MAF: variants seen among roughly 807,000 people sequenced by gnomAD.
MAF encodes the protein MAF bZIP transcription factor.
In MAF, 10 loss-of-function variants were observed where a neutral mutation model predicts 22.0. The ratio of observed to expected loss-of-function variants is 0.45; its 90% CI spans 0.28 to 0.77. The LOEUF (loss-of-function observed/expected upper bound fraction) is 0.77. MAF is among the 30% of genes least tolerant of loss of function. The pLI is 0.12. For missense variants in MAF, 544 were observed against 548.4 expected (o/e 0.99, Z 0.08); for synonymous variants, 337 against 255.8 (o/e 1.32, Z -3.03).
chr16:79,588,469 G>A (rs1465374318), intron 1 of MAF, among the ~76,000 whole-genome samples: 1 of 151,740 alleles, frequency 6.6e-6, no homozygotes, highest in Non-Finnish European at 1.5e-5. Flanking sequence ...CAGTCTTGCT[G>A]TTTTGCCCAG....
chr16:79,257,741 T>C, the MAF span, among the ~76,000 whole-genome samples: 4 of 152,222 alleles, frequency 2.6e-5, no homozygotes, highest in African/African-American at 9.6e-5. Flanking sequence ...GCACCATGTA[T>C]GCGTCTCAGT....
chr16:79,462,451 T>A, the MAF span, among the ~76,000 whole-genome samples: 2 of 151,288 alleles, frequency 1.3e-5, no homozygotes, highest in African/African-American at 4.9e-5. Flanking sequence ...TTGCTCTGAG[T>A]TTAATGTCTA....
chr16:79,530,838 TCTA>T, the MAF span, among the ~76,000 whole-genome samples: 5 of 152,268 alleles, frequency 3.3e-5, no homozygotes, highest in Middle Eastern at 3.4e-3. Context: ...AAACGGCAGG[TCTA>T]TGGGTGGAAG....
the MAF span, among the ~76,000 whole-genome samples, chr16:79,450,673 T>G: frequency 6.6e-6 from 1 of 152,202 alleles, no homozygotes; most frequent in African/African-American, 2.4e-5. Flanking sequence ...GACTGTTTTA[T>G]TCCTATTTTA....
At chr16:79,557,283 G>T in the MAF span, among the ~76,000 whole-genome samples, 1 of 151,948 alleles carries the variant, frequency 6.6e-6, no homozygotes, top group East Asian at 1.9e-4. Flanking sequence ...GTTTTTGGAG[G>T]AGAAAATTAG....
At chr16:79,317,906 T>G in the MAF span, among the ~76,000 whole-genome samples, 1 of 124,554 alleles carries the variant, frequency 8.0e-6, no homozygotes, top group East Asian at 2.2e-4. Context: ...TTGTATTCAT[T>G]CATTCATTCA....
At chr16:79,227,352 CACAA>C in the MAF span, among the ~76,000 whole-genome samples, 14 of 152,162 alleles carry the variant, frequency 9.2e-5, no homozygotes, top group South Asian at 1.9e-3. Context: ...CCCTGTCTCA[CACAA>C]ACAAACAAAC....
the MAF span, among the ~76,000 whole-genome samples, chr16:79,395,761 G>A: frequency 2.6e-5 from 4 of 152,226 alleles, no homozygotes; most frequent in Non-Finnish European, 4.4e-5. Flanking sequence ...GAGAATAAAT[G>A]TGTGTTGTAA....
At chr16:79,356,137 TACTC>T in the MAF span, among the ~76,000 whole-genome samples, 13 of 151,716 alleles carry the variant, frequency 8.6e-5, no homozygotes, top group Non-Finnish European at 1.9e-4. Flanking sequence ...CACTTATGCA[TACTC>T]ACACTCACAA....
the MAF span, among the ~76,000 whole-genome samples, chr16:79,381,055 T>C: frequency 6.6e-6 from 1 of 152,266 alleles, no homozygotes; most frequent in African/African-American, 2.4e-5. Context: ...CAGGGCCACC[T>C]CTGCTCTGGC....
chr16:79,538,795 C>T, the MAF span, among the ~76,000 whole-genome samples: 4 of 150,052 alleles, frequency 2.7e-5, no homozygotes, highest in Admixed American at 6.7e-5. Flanking sequence ...CACTACGCTA[C>T]AGCCTGGGTG....
At chr16:79,506,239 C>T in the MAF span, among the ~76,000 whole-genome samples, 1 of 152,120 alleles carries the variant, frequency 6.6e-6, no homozygotes, top group Non-Finnish European at 1.5e-5. Flanking sequence ...ATTCCATTTC[C>T]AGGACATACA....
At chr16:79,211,078 C>G in the MAF span, among the ~76,000 whole-genome samples, 1 of 131,680 alleles carries the variant, frequency 7.6e-6, no homozygotes, top group Non-Finnish European at 1.7e-5. Context: ...TTTAACACAA[C>G]ATTGCCAACC....
the MAF span, among the ~76,000 whole-genome samples, chr16:79,513,016 A>G: frequency 6.6e-6 from 1 of 152,254 alleles, no homozygotes; most frequent in African/African-American, 2.4e-5. Flanking sequence ...AGGTCTGCCC[A>G]GAGGGAGTGC....
At chr16:79,437,365 A>G in the MAF span, among the ~76,000 whole-genome samples, 1 of 152,152 alleles carries the variant, frequency 6.6e-6, no homozygotes, top group Non-Finnish European at 1.5e-5. Flanking sequence ...CAGGTGTAAG[A>G]GAACCCCAGG....
the MAF span, among the ~76,000 whole-genome samples, chr16:79,426,210 GA>G: frequency 1.8e-3 from 261 of 146,998 alleles, 3 homozygotes; most frequent in African/African-American, 2.3e-4. Context: ...CATCTCAAAA[GA>G]AAAAAAAAAA....
chr16:79,298,039 A>G, the MAF span, among the ~76,000 whole-genome samples: 1 of 152,270 alleles, frequency 6.6e-6, no homozygotes, highest in Non-Finnish European at 1.5e-5. Flanking sequence ...ATGAAAATGC[A>G]GGGCTACTTG....
the MAF span, among the ~76,000 whole-genome samples, chr16:79,544,936 T>C: frequency 6.6e-6 from 1 of 152,148 alleles, no homozygotes; most frequent in Non-Finnish European, 1.5e-5. Flanking sequence ...GACAGGACTT[T>C]CATGTTTGGC....
At chr16:79,354,433 C>G in the MAF span, among the ~76,000 whole-genome samples, 1 of 152,114 alleles carries the variant, frequency 6.6e-6, no homozygotes, top group African/African-American at 2.4e-5. Context: ...GACAGGCACA[C>G]AGGCCACATG....
Sources: gnomAD v4.1 joint callset for allele counts (sites outside exome capture counted in the v4.1 genomes callset) on GRCh38, gnomAD v4.1.1 for gene constraint, MANE v1.5 for transcripts, NCBI Gene and HGNC (gene_info 2026-07-23, HGNC 2026-07-21) for gene names.